TRDN: variants seen among roughly 807,000 people sequenced by gnomAD.
TRDN encodes triadin, also known as triadin in skeletal muscle.
In TRDN, 161 loss-of-function variants were observed where a neutral mutation model predicts 149.7. The observed-to-expected ratio is 1.08, with a 90% confidence interval of 0.95 to 1.23. The LOEUF is 1.23. Among genes scored for constraint, TRDN ranks in the 50% most tolerant of loss-of-function variants. The pLI, the probability that TRDN is intolerant of heterozygous loss-of-function variation, is 0.00. For synonymous variants in TRDN, 294 were observed against 250.5 expected (o/e 1.17, Z -1.64); for missense variants, 896 against 823.5 (o/e 1.09, Z -1.08).
At chr6:123,443,330 G>T (rs975828087) in intron 10 of TRDN, among the ~76,000 whole-genome samples, 1 of 151,742 alleles carries the variant, frequency 6.6e-6, no homozygotes, top group African/African-American at 2.4e-5. Flanking sequence ...ACCATAGGAG[G>T]TGGCTTGGTT....
At chr6:123,348,688 T>C (rs1780345337) in intron 21 of TRDN, among the ~76,000 whole-genome samples, 1 of 152,100 alleles carries the variant, frequency 6.6e-6, no homozygotes, top group South Asian at 2.1e-4. Flanking sequence ...GAAAAAGAGA[T>C]ACAACCTACT....
chr6:123,273,237 C>G (rs765934980), intron 28 of TRDN, 100 bp downstream of exon 28: 10 of 931,160 alleles, frequency 1.1e-5, no homozygotes, highest in Admixed American at 3.8e-5. Context: ...TGTAATAAAA[C>G]ATAAATATAA....
chr6:123,233,695 A>G (rs4282426), intron 38 of TRDN, among the ~76,000 whole-genome samples: 81,377 of 151,910 alleles, frequency 0.54, 22,909 homozygotes, highest in African/African-American at 0.71. Context: ...TATTAAGGAG[A>G]CTTCAGCCAA....
intron 1 of TRDN, among the ~76,000 whole-genome samples, chr6:123,573,815 T>C (rs900207764): frequency 6.6e-6 from 1 of 152,032 alleles, no homozygotes; most frequent in African/African-American, 2.4e-5. Context: ...AAAAATAATA[T>C]TTGAACCCTT....
intron 2 of TRDN, among the ~76,000 whole-genome samples, chr6:123,558,890 C>A (rs1781822268): frequency 6.6e-6 from 1 of 152,258 alleles, no homozygotes; most frequent in Non-Finnish European, 1.5e-5. Flanking sequence ...TCCTCCAGAA[C>A]CTCCTCCCCC....
chr6:123,244,620 T>C (rs1471842224), intron 38 of TRDN, among the ~76,000 whole-genome samples: 3 of 152,172 alleles, frequency 2.0e-5, no homozygotes, highest in African/African-American at 4.8e-5. Context: ...CTATGTTTAA[T>C]TGCGGTATTT....
At chr6:123,472,439 G>A (rs1025442537) in intron 9 of TRDN, among the ~76,000 whole-genome samples, 2 of 152,318 alleles carry the variant, frequency 1.3e-5, no homozygotes, top group South Asian at 2.1e-4. Context: ...CTACGCCCAC[G>A]GAATCTCGCT....
In TRDN at chr6:123,626,195, T is replaced by A. The variant is rs528302970; in HGVS notation, c.22+10559A>T. On this transcript the variant is annotated intron_variant, in intron 1 of 40. Coordinates refer to ENST00000334268, the MANE Select transcript of TRDN (RefSeq NM_006073.4). ...TCTTTGCTCATTCATAGAAAGCACCTCCTAGGCCAGGCATGGTGGCTCATG... is the reference window on the plus strand; with the variant it reads ...TCTTTGCTCATTCATAGAAAGCACCACCTAGGCCAGGCATGGTGGCTCATG... Among the ~76,000 whole-genome samples, 4 of 152,234 alleles carry A rather than the reference T, an allele frequency of 2.6e-5. No individual in the cohort carries two copies. In the South Asian group the frequency reaches 6.2e-4, roughly 24 times the overall value.
chr6:123,613,753 G>A (rs925798965), intron 1 of TRDN, among the ~76,000 whole-genome samples: 6 of 152,064 alleles, frequency 3.9e-5, no homozygotes, highest in Non-Finnish European at 7.4e-5. Context: ...ATTGAAAGGT[G>A]AAAAAATTGT....
chr6:123,527,850 A>C (rs1399229145), intron 5 of TRDN, among the ~76,000 whole-genome samples: 5 of 151,742 alleles, frequency 3.3e-5, no homozygotes, highest in Non-Finnish European at 7.4e-5. Context: ...CACATACAGT[A>C]TTCTGATTAT....
Position 123,217,791 on chromosome 6 carries a change from C to T in TRDN, c.*810G>A, listed in dbSNP as rs910606331. The stretch of plus-strand genomic sequence containing the variant: ...TTTAGTGATTGATCTAAAATTTCAC[C>T]CAGGTGACATTTTTATTAAGACACA... On this transcript the variant is annotated 3_prime_UTR_variant, in exon 41 of 41. Transcript: ENST00000334268. The T allele has an allele frequency of 6.6e-6, 1 of 151,752 alleles. No individual in the cohort carries two copies. Among genetic ancestry groups the T allele is most frequent in the Admixed American group, 6.6e-5 (1 of 15,206 alleles). 9.4% of individuals were successfully genotyped at this position (151,752 alleles called of 1,614,324 possible). A position where few individuals can be genotyped will look rare whatever the true frequency, so the allele number is the denominator to read the frequency against.
chr6:123,611,178 A>G (rs1255134856), intron 1 of TRDN, among the ~76,000 whole-genome samples: 1 of 152,242 alleles, frequency 6.6e-6, no homozygotes, highest in Non-Finnish European at 1.5e-5. Context: ...ATTAGTATGC[A>G]AATGAAAATT....
At chr6:123,316,595 G>T in intron 23 of TRDN, 100 bp from the exon 24 acceptor site, 2 of 924,306 alleles carry the variant, frequency 2.2e-6, no homozygotes, top group East Asian at 2.6e-5. Flanking sequence ...AGGCTTCACT[G>T]ATTTTTCTTG....
At chr6:123,295,953 A>C (rs1363754280) in intron 24 of TRDN, among the ~76,000 whole-genome samples, 1 of 152,056 alleles carries the variant, frequency 6.6e-6, no homozygotes, top group Non-Finnish European at 1.5e-5. Context: ...TGATGGAGTA[A>C]GACTGTGTCT....
chr6:123,597,047 C>A (rs546387332), intron 1 of TRDN, among the ~76,000 whole-genome samples: 3 of 151,956 alleles, frequency 2.0e-5, no homozygotes, highest in Non-Finnish European at 4.4e-5. Context: ...CGACTCTTTT[C>A]TTGGATCTAA....
intron 23 of TRDN, among the ~76,000 whole-genome samples, chr6:123,316,919 G>A (rs1482018810): frequency 6.6e-6 from 1 of 151,420 alleles, no homozygotes; most frequent in South Asian, 2.1e-4. Context: ...TAATTCATGG[G>A]GCTCCACCTA....
intron 10 of TRDN, chr6:123,462,434 T>C (rs1776504090): frequency 6.6e-6 from 1 of 152,222 alleles, no homozygotes; most frequent in South Asian, 2.1e-4. Flanking sequence ...TAAAGACGTG[T>C]AGTATTGGCT....
At chr6:123,393,419 C>G (rs1269113065) in intron 13 of TRDN, among the ~76,000 whole-genome samples, 2 of 151,948 alleles carry the variant, frequency 1.3e-5, no homozygotes, top group Non-Finnish European at 2.9e-5. Context: ...TCAGCAGTTC[C>G]TCTGCAAATT....
chr6:123,579,950 T>C (rs1783041429), intron 1 of TRDN, among the ~76,000 whole-genome samples: 1 of 152,166 alleles, frequency 6.6e-6, no homozygotes, highest in Admixed American at 6.5e-5. Context: ...GATTGTAACT[T>C]TCCTGAGGCC....
Sources: gnomAD v4.1 joint callset for allele counts (sites outside exome capture counted in the v4.1 genomes callset) on GRCh38, gnomAD v4.1.1 for gene constraint, MANE v1.5 for transcripts, NCBI Gene and HGNC (gene_info 2026-07-23, HGNC 2026-07-21) for gene names.